CFAP141: variants seen among roughly 807,000 people sequenced by gnomAD.
CFAP141 encodes the protein cilia- and flagella-associated protein 141.
At chr1:154,200,528 C>T in the CFAP141 span, 43 of 1,614,008 alleles carry the variant, frequency 2.7e-5, no homozygotes, top group African/African-American at 1.3e-4. Flanking sequence ...GGGTGGCATA[C>T]GGGTTTCTTC....
the CFAP141 span, chr1:154,205,695 T>A: frequency 1.3e-6 from 2 of 1,521,976 alleles, no homozygotes; most frequent in African/African-American, 2.7e-5. Context: ...TCTATTCTAA[T>A]GAGAGACATA....
At chr1:154,201,216 C>T in the CFAP141 span, among the ~76,000 whole-genome samples, 2 of 150,470 alleles carry the variant, frequency 1.3e-5, no homozygotes, top group Admixed American at 6.6e-5. Flanking sequence ...CTGCAACCTC[C>T]ACTTCCCGGG....
At chr1:154,205,742 T>C in the CFAP141 span, 1 of 1,079,116 alleles carries the variant, frequency 9.3e-7, no homozygotes, top group Non-Finnish European at 1.4e-6. Flanking sequence ...TTTGCTCTTG[T>C]TGCCCAGGCC....
the CFAP141 span, chr1:154,199,291 TG>T: frequency 1.5e-5 from 9 of 590,982 alleles, no homozygotes; most frequent in Non-Finnish European, 3.1e-6. Context: ...GAAGTGAGAG[TG>T]GAAGTGCTGT....
chr1:154,200,425 G>C, the CFAP141 span: 2 of 1,611,414 alleles, frequency 1.2e-6, no homozygotes, highest in Non-Finnish European at 1.7e-6. Flanking sequence ...CAGCAGTAGT[G>C]AATGAGACTT....
chr1:154,201,523 G>A, the CFAP141 span, among the ~76,000 whole-genome samples: 1 of 152,006 alleles, frequency 6.6e-6, no homozygotes, highest in African/African-American at 2.4e-5. Flanking sequence ...GAGTCGCTGG[G>A]ACTACAGGCA....
chr1:154,202,974 A>G, the CFAP141 span, among the ~76,000 whole-genome samples: 2 of 149,786 alleles, frequency 1.3e-5, no homozygotes, highest in Non-Finnish European at 3.0e-5. Flanking sequence ...TACAAAAATT[A>G]GCCGAGCGTG....
chr1:154,204,693 C>G, the CFAP141 span, among the ~76,000 whole-genome samples: 1 of 151,406 alleles, frequency 6.6e-6, no homozygotes, highest in African/African-American at 2.4e-5. Context: ...TCCTGAGTGG[C>G]TGAGACTACA....
chr1:154,205,609 CT>C, the CFAP141 span: 5 of 1,613,794 alleles, frequency 3.1e-6, no homozygotes, highest in African/African-American at 6.7e-5. Context: ...TGTCGACCGT[CT>C]TCTTAAGTCC....
chr1:154,201,743 C>T, the CFAP141 span, among the ~76,000 whole-genome samples: 1 of 152,038 alleles, frequency 6.6e-6, no homozygotes, highest in South Asian at 2.1e-4. Flanking sequence ...TGATTCTCAG[C>T]CCTGGCTAGA....
the CFAP141 span, chr1:154,206,144 C>T: frequency 2.3e-6 from 2 of 856,128 alleles, no homozygotes; most frequent in South Asian, 1.3e-5. Context: ...CACAGCCTCC[C>T]ACTCCTGTTA....
chr1:154,200,684 T>C, the CFAP141 span: 1 of 1,368,424 alleles, frequency 7.3e-7, no homozygotes, highest in South Asian at 1.3e-5. Context: ...TTTTTCTTTT[T>C]CTTTTCTTTT....
At chr1:154,202,593 G>A in the CFAP141 span, among the ~76,000 whole-genome samples, 1 of 151,720 alleles carries the variant, frequency 6.6e-6, no homozygotes, top group African/African-American at 2.4e-5. Context: ...GAGGTCAGGA[G>A]ATCGAGACCA....
At chr1:154,205,366 A>G in the CFAP141 span, among the ~76,000 whole-genome samples, 2 of 152,244 alleles carry the variant, frequency 1.3e-5, no homozygotes, top group Non-Finnish European at 2.9e-5. Context: ...ATTTTTCTCC[A>G]GAGAATGAGG....
At chr1:154,200,501 G>A in the CFAP141 span, 1 of 1,614,164 alleles carries the variant, frequency 6.2e-7, no homozygotes, top group Non-Finnish European at 8.5e-7. Flanking sequence ...CCTGTACCAT[G>A]GTGTCCTGCA....
the CFAP141 span, among the ~76,000 whole-genome samples, chr1:154,201,047 G>C: frequency 2.0e-5 from 3 of 151,808 alleles, no homozygotes; most frequent in South Asian, 4.2e-4. Flanking sequence ...TCCTTAAAAG[G>C]GTAATTTAGA....
the CFAP141 span, among the ~76,000 whole-genome samples, chr1:154,204,807 C>T: frequency 6.6e-6 from 1 of 151,968 alleles, no homozygotes; most frequent in South Asian, 2.1e-4. Context: ...AGCAATCCCC[C>T]TGCCTCGGCC....
chr1:154,205,393 C>T, the CFAP141 span, among the ~76,000 whole-genome samples: 2 of 152,284 alleles, frequency 1.3e-5, no homozygotes, highest in East Asian at 3.9e-4. Context: ...ACAATAAAAA[C>T]CAATCTATAT....
chr1:154,204,258 T>C, the CFAP141 span, among the ~76,000 whole-genome samples: 1 of 152,200 alleles, frequency 6.6e-6, no homozygotes, highest in Non-Finnish European at 1.5e-5. Flanking sequence ...AAACTGCCTT[T>C]GTAAACATGG....
Sources: gnomAD v4.1 joint callset for allele counts (sites outside exome capture counted in the v4.1 genomes callset) on GRCh38, gnomAD v4.1.1 for gene constraint, MANE v1.5 for transcripts, NCBI Gene and HGNC (gene_info 2026-07-23, HGNC 2026-07-21) for gene names.